Variants in MAGEL2 observed in about 807,000 individuals in gnomAD.
MAGEL2 encodes MAGE family member L2, also known as MAGE-like protein 2.
For synonymous variants in MAGEL2, 792 were observed against 721.7 expected (o/e 1.10, Z -1.56); for missense variants, 1,830 against 1,699.2 (o/e 1.08, Z -1.35).
rs1457958584 is a variant in MAGEL2, at chr15:23,645,215, T to G, written c.2528A>C (p.Asn843Thr). The G allele has an allele frequency of 6.2e-7, 1 of 1,613,882 alleles. No individual in the cohort carries two copies. The highest frequency in any genetic ancestry group is 1.1e-5 in the South Asian group (1 of 91,084). ...AVPWVPQPNM[N>T]ASKASQAVPT... ...CACTGCCTGCGATGCCTTTGAGGCA[T>G]TCATATTGGGCTGTGGGACCCATGG... The change falls in exon 1 of 1, where the codon AAT becomes ACT. Residue 843 changes from asparagine (N) to threonine (T), a missense_variant. Coordinates refer to ENST00000650528, the MANE Select transcript of MAGEL2 (RefSeq NM_019066.5).
rs942146135 is a variant in MAGEL2 at position 23,646,613 on chromosome 15, G to T, written c.1130C>A (p.Ala377Asp). The change falls in exon 1 of 1, where the codon GCC (alanine) becomes GAC (aspartate). Residue 377 changes from alanine (A) to aspartate (D), a missense_variant. Coordinates refer to ENST00000650528, the MANE Select transcript of MAGEL2 (RefSeq NM_019066.5). The surrounding 1 kb of genome is among the most constrained non-coding windows in gnomAD (Gnocchi z 4.2). The stretch of plus-strand genomic sequence containing the variant: ...AGTGGCCTGCCAGCCTTGCTGCGTG[G>T]CCTGCCATCCTGGCGAGGTCGCCTG... ...GWQATSPGWQATQQGWQATPL... is the reference protein window; with the variant it reads ...GWQATSPGWQDTQQGWQATPL... 5 of 1,472,850 alleles carry T rather than the reference G, an allele frequency of 3.4e-6. No homozygotes were observed. The African/African-American group carries it at 5.6e-5, about 17-fold the overall frequency. 91.2% of individuals were successfully genotyped at this position (1,472,850 alleles called of 1,614,324 possible).
Position 23,644,339 on chromosome 15 carries a change from A to G in MAGEL2, c.3404T>C (p.Phe1135Ser). The change falls in exon 1 of 1, where the codon TTT becomes TCT. Residue 1135 changes from phenylalanine to serine, a missense_variant. Phe to Ser is a radical substitution (Grantham distance 155). Transcript: ENST00000650528. ...NCVREDLIFN[F>S]LFKLGLDVRE... ...GACATCCAACCCTAACTTGAACAGA[A>G]AATTAAAGATCAGATCCTCCCTGAC... 6.2e-7 allele frequency: 1 copy of G among 1,613,844 alleles called. No homozygotes were observed. Among genetic ancestry groups the G allele is most frequent in the Non-Finnish European group, 8.5e-7 (1 of 1,179,876 alleles).
In MAGEL2 at chr15:23,644,284, A is replaced by T; in HGVS notation, c.3459T>A (p.Thr1153=). ...VRETNGLFGN[T]KKLITEVFVR... ...CAAACACTTCGGTGATGAGCTTCTT[A>T]GTATTTCCAAAGAGACCGTTTGTCT... Residue 1153 remains threonine, a synonymous_variant, in exon 1 of 1, where the codon ACT becomes ACA. Coordinates refer to ENST00000650528, the MANE Select transcript of MAGEL2 (RefSeq NM_019066.5). 2 of 1,613,712 alleles carry T rather than the reference A, an allele frequency of 1.2e-6. No individual in the cohort carries two copies. The highest frequency in any genetic ancestry group is 1.7e-6 in the Non-Finnish European group (2 of 1,179,890).
In MAGEL2 at chr15:23,647,194, A is replaced by G. The variant is rs1484729912; in HGVS notation, c.549T>C (p.Pro183=). 60 of 1,508,296 alleles carry G rather than the reference A, an allele frequency of 4.0e-5. 1 individual carries two copies. The highest frequency in any genetic ancestry group is 2.9e-4 in the African/African-American group (20 of 68,334). 93.4% of individuals were successfully genotyped at this position (1,508,296 alleles called of 1,614,324 possible). ...GATGAGCCATCGGGGTCCCCGGAGG[A>G]GGAGGATGCACCATCGGGGTCCCCG... ...PPPGTPMVHP[P]PPGTPMAHPP... Residue 183 remains proline, a synonymous_variant, in exon 1 of 1, where the codon CCT becomes CCC. Coordinates refer to ENST00000650528, the MANE Select transcript of MAGEL2 (RefSeq NM_019066.5).
chr15:23,644,882 A>T lies in MAGEL2; in HGVS notation c.2861T>A (p.Ile954Asn). 6.2e-7 allele frequency: 1 copy of T among 1,612,620 alleles called. No homozygotes were observed. Among genetic ancestry groups the T allele is most frequent in the Non-Finnish European group, 8.5e-7 (1 of 1,179,748 alleles). ...GCTGGGCCCTTCCCAGCCACTCAGG[A>T]TCCTGGAGGTGCTAGGGCCCTCCCA... is the stretch of plus-strand genomic sequence containing the variant. ...SGWEGPSTSR[I>N]LSGWEGPSAS... Residue 954 changes from isoleucine to asparagine, a missense_variant, in exon 1 of 1, where the codon ATC becomes AAC. Coordinates refer to ENST00000650528, the MANE Select transcript of MAGEL2 (RefSeq NM_019066.5).
Position 23,647,649 on chromosome 15 carries a change from C to G in MAGEL2, c.94G>C (p.Ala32Pro). Residue 32 changes from alanine (A) to proline (P), a missense_variant, in exon 1 of 1, where the codon GCC (alanine) becomes CCC (proline). Coordinates refer to ENST00000650528, the MANE Select transcript of MAGEL2 (RefSeq NM_019066.5). Reference sequence around the variant, plus strand: ...GGAGCCCGGGAGGAAGCGGGCGGGGCCCGCATCAGAACCGTAGGGCGGCTA... The same window carrying G: ...GGAGCCCGGGAGGAAGCGGGCGGGGGCCGCATCAGAACCGTAGGGCGGCTA... Reference protein sequence around the residue: ...VYSRPTVLMRAPPASSRAPPV... With the variant: ...VYSRPTVLMRPPPASSRAPPV... The G allele has an allele frequency of 1.3e-6, 2 of 1,536,268 alleles. No homozygotes were observed. The highest frequency in any genetic ancestry group is 1.7e-6 in the Non-Finnish European group (2 of 1,146,622).
rs771501846 is a variant in MAGEL2, at chr15:23,646,273, C to T, written c.1470G>A (p.Pro490=). ...RQAPPVIRQA[P]PLIRQAPPPI... Reference sequence around the variant, plus strand: ...GCGGCGGCGCCTGGCGGATCAGCGGCGGGGCCTGGCGGATCACAGGTGGAG... The same window carrying T: ...GCGGCGGCGCCTGGCGGATCAGCGGTGGGGCCTGGCGGATCACAGGTGGAG... Residue 490 remains proline, a synonymous_variant, in exon 1 of 1, where the codon CCG becomes CCA. Coordinates refer to ENST00000650528, the MANE Select transcript of MAGEL2 (RefSeq NM_019066.5). This position sits in a 1 kb window ranked among gnomAD's most constrained non-coding sequence, Gnocchi z 4.2. 9.3e-4 allele frequency: 1,255 copies of T among 1,353,818 alleles called. 3 individuals are homozygous for T. Among genetic ancestry groups the T allele is most frequent in the African/African-American group, 2.9e-3 (187 of 63,482 alleles). 83.9% of individuals were successfully genotyped at this position (1,353,818 alleles called of 1,614,324 possible). A position where few individuals can be genotyped will look rare whatever the true frequency, so the allele number is the denominator to read the frequency against.
rs779589753 is a variant in MAGEL2 at position 23,644,611 on chromosome 15, C to G, written c.3132G>C (p.Ser1044=). The part of the protein sequence containing the change: ...KDQAKVPVQR[S]EMVKVILREY... ...CTCGGAGGATGACTTTCACCATCTC[C>G]GAGCGCTGGACAGGCACCTTGGCTT... Residue 1044 remains serine, a synonymous_variant, in exon 1 of 1, where the codon TCG becomes TCC. Transcript: ENST00000650528. 4 of 1,613,884 alleles carry G rather than the reference C, an allele frequency of 2.5e-6. No individual in the cohort carries two copies. The highest frequency in any genetic ancestry group is 2.5e-6 in the Non-Finnish European group (3 of 1,179,864).
In MAGEL2 at chr15:23,646,210, TGGCTGG is replaced by T. The variant is rs1890398571; in HGVS notation, c.1527_1532del (p.Gln510_Pro511del). 4.5e-6 allele frequency: 6 copies of T among 1,337,862 alleles called. No homozygotes were observed. Among genetic ancestry groups the T allele is most frequent in the Admixed American group, 4.1e-5 (1 of 24,680 alleles). The allele number at this position is 1,337,862 out of a possible 1,614,324, so 82.9% of individuals were successfully genotyped here. ...GGGGTGGCAGGGCCTGCCAGAGCGG[TGGCTGG>T]GTGGCCAGGACCTGTGGGGCAGGTC... On this transcript the variant is annotated inframe_deletion, in exon 1 of 1. Coordinates refer to ENST00000650528, the MANE Select transcript of MAGEL2 (RefSeq NM_019066.5). This position sits in a 1 kb window ranked among gnomAD's most constrained non-coding sequence, Gnocchi z 4.2.
At position 23,644,612 on chromosome 15, in the gene MAGEL2, G is replaced by A. The variant is rs1267004913; in HGVS notation, c.3131C>T (p.Ser1044Leu). The A allele has an allele frequency of 6.8e-6, 11 of 1,613,812 alleles. No homozygotes were observed. Among genetic ancestry groups the A allele is most frequent in the East Asian group, 6.7e-5 (3 of 44,866 alleles). The change falls in exon 1 of 1, where the codon TCG becomes TTG. Residue 1044 changes from serine to leucine, a missense_variant. Physicochemically the swap from Ser to Leu is moderately radical, Grantham distance 145. Transcript: ENST00000650528. ...KDQAKVPVQRSEMVKVILREY... is the reference protein window; with the variant it reads ...KDQAKVPVQRLEMVKVILREY... The stretch of plus-strand genomic sequence containing the variant: ...TCGGAGGATGACTTTCACCATCTCC[G>A]AGCGCTGGACAGGCACCTTGGCTTG...
Position 23,647,764 on chromosome 15 carries a change from G to A in MAGEL2, c.-22C>T, listed in dbSNP as rs1890453980. On this transcript the variant is annotated 5_prime_UTR_variant, in exon 1 of 1. Coordinates refer to ENST00000650528, the MANE Select transcript of MAGEL2 (RefSeq NM_019066.5). ...ACATGTCCCTTTGCTGACAGCTGGT[G>A]GGTCTTTTCCTCGGACAGCTGCTGG... The A allele has an allele frequency of 1.4e-6, 2 of 1,436,786 alleles. No individual in the cohort carries two copies. The highest frequency in any genetic ancestry group is 1.8e-6 in the Non-Finnish European group (2 of 1,100,312). 89.0% of individuals were successfully genotyped at this position (1,436,786 alleles called of 1,614,324 possible).
rs368034669 is a variant in MAGEL2, at chr15:23,645,101, C to A, written c.2642G>T (p.Arg881Leu). The A allele has an allele frequency of 3.7e-6, 6 of 1,613,732 alleles. No individual in the cohort carries two copies. Among genetic ancestry groups the A allele is most frequent in the Middle Eastern group, 1.6e-4 (1 of 6,084 alleles). ...ASKTSVEPPR[R>L]SGKATRKKKH... ...CTTCTTCCGGGTGGCCTTGCCGGAG[C>A]GGCGTGGCGGCTCGACGGAGGTCTT... Residue 881 changes from arginine to leucine, a missense_variant, in exon 1 of 1, where the codon CGC becomes CTC. Physicochemically the swap from Arg to Leu is moderately radical, Grantham distance 102. Transcript: ENST00000650528.
At position 23,646,932 on chromosome 15, in the gene MAGEL2, G is replaced by C. The variant is rs1336264832; in HGVS notation, c.811C>G (p.Pro271Ala). Residue 271 changes from proline (P) to alanine (A), a missense_variant, in exon 1 of 1, where the codon CCT becomes GCT. Coordinates refer to ENST00000650528, the MANE Select transcript of MAGEL2 (RefSeq NM_019066.5). This position sits in a 1 kb window ranked among gnomAD's most constrained non-coding sequence, Gnocchi z 4.2. ...GCCATCGGTGCTCCTGAAGGCTGAG[G>C]CTGGGTCATCATGGCTGCTGGAGGC... ...QPPPAAMMTQPQPSGAPMAKP... is the reference protein window; with the variant it reads ...QPPPAAMMTQAQPSGAPMAKP... 1.6e-5 allele frequency: 24 copies of C among 1,536,960 alleles called. No homozygotes were observed. Among genetic ancestry groups the C allele is most frequent in the Non-Finnish European group, 1.8e-5 (21 of 1,146,904 alleles).
Position 23,644,641 on chromosome 15 carries a change from C to A in MAGEL2, c.3102G>T (p.Lys1034Asn). 6.2e-7 allele frequency: 1 copy of A among 1,613,896 alleles called. No individual in the cohort carries two copies. Among genetic ancestry groups the A allele is most frequent in the Non-Finnish European group, 8.5e-7 (1 of 1,179,878 alleles). ...ANALVQFLLVKDQAKVPVQRS... is the reference protein window; with the variant it reads ...ANALVQFLLVNDQAKVPVQRS... ...GCTGGACAGGCACCTTGGCTTGGTC[C>A]TTGACTAAGAGGAACTGCACCAACG... The change falls in exon 1 of 1, where the codon AAG (lysine) becomes AAT (asparagine). Residue 1034 changes from lysine (K) to asparagine (N), a missense_variant. Coordinates refer to ENST00000650528, the MANE Select transcript of MAGEL2 (RefSeq NM_019066.5).
At position 23,644,425 on chromosome 15, in the gene MAGEL2, G is replaced by C. The variant is rs1890344259; in HGVS notation, c.3318C>G (p.Asp1106Glu). 1 of 1,613,818 alleles carries C rather than the reference G, an allele frequency of 6.2e-7. No homozygotes were observed. Among genetic ancestry groups the C allele is most frequent in the African/African-American group, 1.3e-5 (1 of 74,908 alleles). ...CCATCAGAAGGCCAAACTTGGGCCT[G>C]TCTAAATAGGATGCCACCAAATTCC... is the stretch of plus-strand genomic sequence containing the variant. ...HTGNLVASYLDRPKFGLLMVV... is the reference protein window; with the variant it reads ...HTGNLVASYLERPKFGLLMVV... The change falls in exon 1 of 1, where the codon GAC becomes GAG. Residue 1106 changes from aspartate to glutamate, a missense_variant. Transcript: ENST00000650528.
rs773419853 is a variant in MAGEL2, at chr15:23,645,257, T to G, written c.2486A>C (p.Glu829Ala). The change falls in exon 1 of 1, where the codon GAG (glutamate) becomes GCG (alanine). Residue 829 changes from glutamate (E) to alanine (A), a missense_variant. Glu to Ala is a moderately radical substitution (Grantham distance 107). Coordinates refer to ENST00000650528, the MANE Select transcript of MAGEL2 (RefSeq NM_019066.5). The part of the protein sequence containing the change: ...YALQDPFACV[E>A]ALPAVPWVPQ... Reference sequence around the variant, plus strand: ...GACCCATGGAACTGCAGGCAGGGCCTCTACACAGGCAAAGGGATCCTGCAG... The same window carrying G: ...GACCCATGGAACTGCAGGCAGGGCCGCTACACAGGCAAAGGGATCCTGCAG... The G allele has an allele frequency of 5.0e-6, 8 of 1,613,820 alleles. No homozygotes were observed. In the South Asian group the frequency reaches 8.8e-5, roughly 18 times the overall value.
In MAGEL2 at chr15:23,646,678, C is replaced by T. The variant is rs918016429; in HGVS notation, c.1065G>A (p.Pro355=). Residue 355 remains proline (P), a synonymous_variant, in exon 1 of 1, where the codon CCG becomes CCA. Transcript: ENST00000650528. This position sits in a 1 kb window ranked among gnomAD's most constrained non-coding sequence, Gnocchi z 4.2. ...IRAPPQVPQG[P]QAPPAQLATP... ...TGGCTAGCTGCGCTGGGGGTGCCTG[C>T]GGGCCCTGGGGAACCTGCGGAGGAG... 25 of 1,513,076 alleles carry T rather than the reference C, an allele frequency of 1.7e-5. No homozygotes were observed. The highest frequency in any genetic ancestry group is 2.5e-5 in the South Asian group (2 of 79,982). The allele number at this position is 1,513,076 out of a possible 1,614,324, so 93.7% of individuals were successfully genotyped here.
rs748613599 is a variant in MAGEL2, at chr15:23,645,397, G to A, written c.2346C>T (p.Thr782=). 9 of 1,613,922 alleles carry A rather than the reference G, an allele frequency of 5.6e-6. No individual in the cohort carries two copies. Among genetic ancestry groups the A allele is most frequent in the African/African-American group, 1.3e-5 (1 of 74,962 alleles). The change falls in exon 1 of 1, where the codon ACC becomes ACT. Residue 782 remains threonine, a synonymous_variant. Transcript: ENST00000650528. ...AWKNLPATPE[T]FAPSSSVFPA... is the part of the protein sequence containing the mutation. ...GGAAGACACTTGAGGAGGGAGCAAA[G>A]GTCTCCGGTGTGGCAGGCAGGTTTT...
At position 23,644,005 on chromosome 15, in the gene MAGEL2, G is replaced by C; in HGVS notation, c.3738C>G (p.Pro1246=). ...TCTGCTACACCTATTAGCGGGGAGG[G>C]GGCCTGCTGGTGGGGCCGTGGGCAC... ...GDSAHGPTSR[P]PPR Residue 1246 remains proline (P), a synonymous_variant, in exon 1 of 1, where the codon CCC becomes CCG. Coordinates refer to ENST00000650528, the MANE Select transcript of MAGEL2 (RefSeq NM_019066.5). The C allele has an allele frequency of 6.3e-7, 1 of 1,596,790 alleles. No individual in the cohort carries two copies. Among genetic ancestry groups the C allele is most frequent in the South Asian group, 1.1e-5 (1 of 88,992 alleles).
Sources: gnomAD v4.1 joint callset for allele counts on GRCh38, gnomAD v4.1.1 for gene constraint, Gnocchi (gnomAD v3.1) non-coding constraint, MANE v1.5 for transcripts, NCBI Gene and HGNC (gene_info 2026-07-23, HGNC 2026-07-21) for gene names.